GMDS: variants seen among roughly 807,000 people sequenced by gnomAD.
The protein encoded by GMDS is GDP-mannose 4,6-dehydratase.
A neutral mutation model predicts 49.9 loss-of-function variants in GMDS; 20 were observed. The ratio of observed to expected loss-of-function variants is 0.40; its 90% confidence interval spans 0.28 to 0.58. The LOEUF is 0.58. GMDS is among the 20% of genes least tolerant of loss of function. The pLI is 0.42. For missense variants in GMDS, 362 were observed against 481.4 expected, an observed-to-expected ratio of 0.75 and a Z score of 2.32; for synonymous variants, 177 against 178.6, an observed-to-expected ratio of 0.99 and a Z score of 0.07.
At chr6:1,695,959 A>C (rs1193212375) in intron 9 of GMDS, among the ~76,000 whole-genome samples, 3 of 150,174 alleles carry the variant, frequency 2.0e-5, no homozygotes, top group Non-Finnish European at 4.4e-5. Flanking sequence ...TTGATGACAA[A>C]AACAATGCTG....
At chr6:2,083,160 G>A (rs755750699) in intron 4 of GMDS, among the ~76,000 whole-genome samples, 5 of 152,168 alleles carry the variant, frequency 3.3e-5, no homozygotes, top group Admixed American at 1.3e-4. Flanking sequence ...TTAGAAACAC[G>A]GCACTGTGGC....
chr6:1,851,477 A>G lies in GMDS; in HGVS notation c.771+78626T>C, dbSNP rs556557052. 2.6e-5 allele frequency among the ~76,000 whole-genome samples: 4 copies of G among 152,354 alleles called. No individual in the cohort carries two copies. In the South Asian group the frequency reaches 8.3e-4, roughly 32 times the overall value. On this transcript the variant is annotated intron_variant, in intron 7 of 10. Transcript: ENST00000380815. ...GGAAATAACATACTTTATTAAAGTT[A>G]GGACCTTCGGGGCAGGGATTTGTTT...
At chr6:2,144,610 T>C (rs1474036110) in intron 1 of GMDS, among the ~76,000 whole-genome samples, 1 of 152,214 alleles carries the variant, frequency 6.6e-6, no homozygotes, top group Non-Finnish European at 1.5e-5. Flanking sequence ...GGGTATGGAC[T>C]AGTTGGTTTG....
intron 7 of GMDS, among the ~76,000 whole-genome samples, chr6:1,890,044 G>A (rs994844069): frequency 6.6e-6 from 1 of 151,690 alleles, no homozygotes; most frequent in Admixed American, 6.6e-5. Context: ...TCCACTTTTT[G>A]GCTATTGTGA....
chr6:2,135,773 G>T (rs1738781759), intron 1 of GMDS, among the ~76,000 whole-genome samples: 1 of 152,000 alleles, frequency 6.6e-6, no homozygotes, highest in African/African-American at 2.4e-5. Context: ...AAAAGAAACA[G>T]ATAAAGATGA....
chr6:1,988,917 T>C (rs544957686), intron 4 of GMDS, among the ~76,000 whole-genome samples: 1 of 151,250 alleles, frequency 6.6e-6, no homozygotes, highest in Admixed American at 6.6e-5. Flanking sequence ...AAGCTGCACT[T>C]GTCAAGAGTT....
At chr6:1,869,302 C>A (rs1253519577) in intron 7 of GMDS, among the ~76,000 whole-genome samples, 1 of 152,026 alleles carries the variant, frequency 6.6e-6, no homozygotes, top group South Asian at 2.1e-4. Flanking sequence ...TTTTTAATAG[C>A]GTTCCTAAAT....
intron 1 of GMDS, among the ~76,000 whole-genome samples, chr6:2,147,413 G>A (rs1467492216): frequency 2.0e-5 from 3 of 152,134 alleles, no homozygotes; most frequent in Non-Finnish European, 4.4e-5. Flanking sequence ...TTGGTTGCTA[G>A]CCCAGAAGAG....
At chr6:1,879,446 G>A (rs1353682668) in intron 7 of GMDS, among the ~76,000 whole-genome samples, 2 of 152,158 alleles carry the variant, frequency 1.3e-5, no homozygotes, top group Admixed American at 1.3e-4. Context: ...GCCCCTATGG[G>A]CCAATGAGCC....
intron 7 of GMDS, among the ~76,000 whole-genome samples, chr6:1,846,559 G>A (rs1757421867): frequency 6.6e-6 from 1 of 152,264 alleles, no homozygotes; most frequent in South Asian, 2.1e-4. Flanking sequence ...GAGGCTGGCA[G>A]GGACAGGGAA....
intron 7 of GMDS, among the ~76,000 whole-genome samples, chr6:1,902,074 T>C (rs2113860569): frequency 6.6e-6 from 1 of 152,336 alleles, no homozygotes. Flanking sequence ...CGCTGTGCCA[T>C]TTACCAAATG....
At position 2,227,678 on chromosome 6, in the gene GMDS, G is replaced by A. The variant is rs756292190; in HGVS notation, c.102+17643C>T. On this transcript the variant is annotated intron_variant, in intron 1 of 10. Coordinates refer to ENST00000380815, the MANE Select transcript of GMDS (RefSeq NM_001500.4). Reference sequence around the variant, plus strand: ...TGTGGCTGGAACTATAGGAAGGAGCGGGCAGGCCAGAGCTGTTTCCCTGGG... The same window carrying A: ...TGTGGCTGGAACTATAGGAAGGAGCAGGCAGGCCAGAGCTGTTTCCCTGGG... Among the ~76,000 whole-genome samples, 3 of 152,288 alleles carry A rather than the reference G, an allele frequency of 2.0e-5. No individual in the cohort carries two copies. The East Asian group carries it at 5.8e-4, about 29-fold the overall frequency.
intron 4 of GMDS, among the ~76,000 whole-genome samples, chr6:2,080,350 T>C (rs1241597308): frequency 2.0e-5 from 3 of 152,224 alleles, no homozygotes; most frequent in Non-Finnish European, 2.9e-5. Context: ...TGAAGAATTA[T>C]TGTGTTCCCC....
intron 9 of GMDS, among the ~76,000 whole-genome samples, chr6:1,641,452 C>T (rs773394439): frequency 1.3e-5 from 2 of 152,204 alleles, no homozygotes; most frequent in Non-Finnish European, 2.9e-5. Context: ...GAGGGAAATA[C>T]CTTGTGGAAG....
chr6:2,078,530 G>T (rs966614234), intron 4 of GMDS, among the ~76,000 whole-genome samples: 1 of 151,816 alleles, frequency 6.6e-6, no homozygotes, highest in South Asian at 2.1e-4. Flanking sequence ...TGATCTAATC[G>T]TCATTCAGGA....
At chr6:1,952,009 C>T (rs532770687) in intron 6 of GMDS, 1 of 979,074 alleles carries the variant, frequency 1.0e-6, no homozygotes, top group African/African-American at 1.7e-5. Context: ...TATGTTATTT[C>T]CACAAATATG....
At chr6:2,206,553 T>C (rs1349298233) in intron 1 of GMDS, among the ~76,000 whole-genome samples, 1 of 152,200 alleles carries the variant, frequency 6.6e-6, no homozygotes, top group Non-Finnish European at 1.5e-5. Flanking sequence ...TTCATCAACT[T>C]TGTCAAACTC....
intron 1 of GMDS, among the ~76,000 whole-genome samples, chr6:2,208,454 T>C (rs1296412565): frequency 6.6e-6 from 1 of 152,202 alleles, no homozygotes; most frequent in African/African-American, 2.4e-5. Context: ...AAACAGAAGC[T>C]ACTATTTCTG....
At chr6:2,127,161 C>G (rs1775496795) in intron 1 of GMDS, among the ~76,000 whole-genome samples, 1 of 152,072 alleles carries the variant, frequency 6.6e-6, no homozygotes, top group Non-Finnish European at 1.5e-5. Context: ...GGCTACACAA[C>G]CACTGAAAAT....
Sources: gnomAD v4.1 joint callset for allele counts (sites outside exome capture counted in the v4.1 genomes callset) on GRCh38, gnomAD v4.1.1 for gene constraint, MANE v1.5 for transcripts, NCBI Gene and HGNC (gene_info 2026-07-23, HGNC 2026-07-21) for gene names.